The following SMIM27 variants were observed in gnomAD, a reference collection of about 807,000 sequenced individuals.
SMIM27 encodes the protein transition zone microprotein 1.
Under a neutral mutation model 1.8 loss-of-function variants are expected in SMIM27, and 3 were observed. That is an observed-to-expected ratio of 1.65 (90% confidence interval 0.75 to 4.28). The LOEUF (loss-of-function observed/expected upper bound fraction) is 4.28. Among genes scored for constraint, SMIM27 ranks in the 30% most tolerant of loss-of-function variants. SMIM27 has a pLI of 0.02. For synonymous variants in SMIM27, 19 were observed against 13.9 expected (o/e 1.37, Z -0.82); for missense variants, 63 against 37.0 (o/e 1.70, Z -1.83).
Position 32,558,934 on chromosome 9 carries a change from A to T in SMIM27, c.45+6455A>T, listed in dbSNP as rs534020646. On this transcript the variant is annotated intron_variant, in intron 1 of 1. Coordinates refer to the SMIM27 transcript ENST00000451672. ...CAGGGAATATTCTGGACTTCTTTTCAACTATGCCATATGGTTTTTCCTGTA... is the reference window on the plus strand; with the variant it reads ...CAGGGAATATTCTGGACTTCTTTTCTACTATGCCATATGGTTTTTCCTGTA... 8.8e-6 allele frequency: 14 copies of T among 1,585,128 alleles called. No homozygotes were observed. In the African/African-American group the frequency reaches 1.3e-4, roughly 15 times the overall value.
downstream of SMIM27, among the ~76,000 whole-genome samples, chr9:32,556,080 G>A (rs1821447446): frequency 4.0e-5 from 4 of 99,792 alleles, no homozygotes; most frequent in Admixed American, 3.6e-4. Flanking sequence ...GGAGATCATG[G>A]ATTTGGGGCC....
upstream of SMIM27, chr9:32,551,814 C>T (rs1821272562): frequency 2.2e-6 from 1 of 450,524 alleles, no homozygotes; most frequent in Admixed American, 2.4e-5. Context: ...GCGGGTAACG[C>T]GTCCCACGTA....
intron 1 of SMIM27, among the ~76,000 whole-genome samples, chr9:32,564,663 G>A (rs540851307): frequency 6.6e-6 from 1 of 152,192 alleles, no homozygotes; most frequent in African/African-American, 2.4e-5. Flanking sequence ...TCAGATCAGC[G>A]TTTCCTTCCA....
downstream of SMIM27, chr9:32,553,010 C>G (rs1563989161): frequency 5.1e-6 from 3 of 593,338 alleles, no homozygotes; most frequent in East Asian, 5.6e-5. Context: ...GCAAAGTTCC[C>G]AAGTTTATTT....
In SMIM27 at chr9:32,559,024, T is replaced by A. The variant is rs1036185954; in HGVS notation, c.45+6545T>A. Reference sequence around the variant, plus strand: ...TCTTCTGAAAATAAGAAATAGGTCATACCCCAAATTTTAACTTAAGCTCCA... The same window carrying A: ...TCTTCTGAAAATAAGAAATAGGTCAAACCCCAAATTTTAACTTAAGCTCCA... On this transcript the variant is annotated intron_variant, in intron 1 of 1. Coordinates refer to the SMIM27 transcript ENST00000451672. 1.6e-5 allele frequency: 18 copies of A among 1,105,022 alleles called. No individual in the cohort carries two copies. In the African/African-American group the frequency reaches 2.8e-4, roughly 17 times the overall value. 68.5% of individuals were successfully genotyped at this position (1,105,022 alleles called of 1,614,324 possible).
chr9:32,561,899 G>A (rs1282416689), intron 1 of SMIM27, among the ~76,000 whole-genome samples: 1 of 152,180 alleles, frequency 6.6e-6, no homozygotes, highest in African/African-American at 2.4e-5. Context: ...CCTGCTGTCA[G>A]AACTTTCTTC....
chr9:32,565,225 A>G (rs936527855), intron 1 of SMIM27, among the ~76,000 whole-genome samples: 2 of 151,828 alleles, frequency 1.3e-5, no homozygotes, highest in Non-Finnish European at 2.9e-5. Flanking sequence ...CCCAGGAGGC[A>G]GAGGTCGCAG....
At chr9:32,557,361 G>T (rs1413168352), downstream of SMIM27, among the ~76,000 whole-genome samples, 1 of 151,184 alleles carries the variant, frequency 6.6e-6, no homozygotes. Context: ...TACAGATGGT[G>T]TTTCACCATG....
downstream of SMIM27, chr9:32,553,094 G>A (rs1821345763): frequency 4.0e-6 from 2 of 503,792 alleles, no homozygotes; most frequent in Non-Finnish European, 7.0e-6. Flanking sequence ...ACATTCTCAT[G>A]ACAAAATTAA....
At chr9:32,563,326 CTTT>C (rs964142546) in intron 1 of SMIM27, among the ~76,000 whole-genome samples, 1 of 148,388 alleles carries the variant, frequency 6.7e-6, no homozygotes, top group Non-Finnish European at 1.5e-5. Flanking sequence ...TTAGCATCCT[CTTT>C]TTTTTTTAAT....
rs1821324916 is a variant in SMIM27, at chr9:32,552,695, GACTTTGTT to G, written c.46-100_46-93del. ...CCCGCCACTGGAACCCCATTTATTC[GACTTTGTT>G]ACTTTAATTCCCACCTTAGCAATGG... On this transcript the variant is annotated intron_variant, in intron 1 of 1. Coordinates refer to ENST00000692500, the MANE Select transcript of SMIM27 (RefSeq NM_001387564.1). 1.4e-5 allele frequency: 9 copies of G among 654,666 alleles called. No individual in the cohort carries two copies. In the South Asian group the frequency reaches 1.5e-4, roughly 11 times the overall value. 40.6% of individuals were successfully genotyped at this position (654,666 alleles called of 1,614,324 possible).
At chr9:32,560,395 G>C (rs866359291) in intron 1 of SMIM27, among the ~76,000 whole-genome samples, 1 of 152,074 alleles carries the variant, frequency 6.6e-6, no homozygotes, top group African/African-American at 2.4e-5. Flanking sequence ...ATGTCTTTTC[G>C]ATCCCAGAAA....
rs1563988581 is a variant in SMIM27 at position 32,552,417 on chromosome 9, T to A, written c.-18T>A. ...GCAGCTCCCGCCAGCTCCCGCGGAC[T>A]GCTGCCGCCTCCTTACCATGAAGCC... On this transcript the variant is annotated 5_prime_UTR_variant, in exon 1 of 2. Transcript: ENST00000692500. 3.7e-6 allele frequency: 6 copies of A among 1,609,190 alleles called. No individual in the cohort carries two copies. The highest frequency in any genetic ancestry group is 5.1e-6 in the Non-Finnish European group (6 of 1,178,272).
At chr9:32,562,410 G>A (rs942333691) in intron 1 of SMIM27, among the ~76,000 whole-genome samples, 2 of 152,166 alleles carry the variant, frequency 1.3e-5, no homozygotes, top group African/African-American at 4.8e-5. Flanking sequence ...CACAATCAAA[G>A]AGAGTAAGTT....
At chr9:32,554,228 TTG>T (rs1821390205), downstream of SMIM27, among the ~76,000 whole-genome samples, 1 of 152,210 alleles carries the variant, frequency 6.6e-6, no homozygotes, top group African/African-American at 2.4e-5. Context: ...ATCTTTTATT[TTG>T]TATGACCCCA....
upstream of SMIM27, chr9:32,552,237 G>A (rs1388867327): frequency 4.3e-6 from 3 of 699,306 alleles, no homozygotes; most frequent in Admixed American, 2.7e-5. Flanking sequence ...CTAAAAGGCG[G>A]GCAAGGCCCC....
chr9:32,566,513 G>C, exon 2 of SMIM27: 1 of 773,108 alleles, frequency 1.3e-6, no homozygotes, highest in Admixed American at 1.8e-5. Flanking sequence ...GGTGTGCAGA[G>C]ACGGCTGCCA....
chr9:32,551,845 T>C (rs1369328129), upstream of SMIM27: 1 of 447,364 alleles, frequency 2.2e-6, no homozygotes, highest in Admixed American at 2.4e-5. Context: ...GAGATATACA[T>C]TACGCTATAC....
At chr9:32,562,038 T>C (rs980223771) in intron 1 of SMIM27, among the ~76,000 whole-genome samples, 3 of 152,210 alleles carry the variant, frequency 2.0e-5, no homozygotes, top group Non-Finnish European at 2.9e-5. Flanking sequence ...ACTTCTTCTA[T>C]CTAACTTTCA....
Sources: gnomAD v4.1 joint callset for allele counts (sites outside exome capture counted in the v4.1 genomes callset) on GRCh38, gnomAD v4.1.1 for gene constraint, MANE v1.5 for transcripts, NCBI Gene and HGNC (gene_info 2026-07-23, HGNC 2026-07-21) for gene names.